The following SNX6 variants were observed in gnomAD, a reference collection of about 807,000 sequenced individuals.
SNX6 encodes sorting nexin-6.
In SNX6, 34 loss-of-function variants were observed where a neutral mutation model predicts 63.0. That is an observed-to-expected ratio of 0.54 (90% CI 0.41 to 0.72). The LOEUF (loss-of-function observed/expected upper bound fraction) is 0.72, where lower values mean the gene tolerates loss of function less well. Among genes scored for constraint, SNX6 ranks in the 30% least tolerant of loss-of-function variants. The pLI is 0.00. For synonymous variants in SNX6, 170 were observed against 164.2 expected (o/e 1.04, Z -0.27); for missense variants, 398 against 471.4 (o/e 0.84, Z 1.44).
intron 10 of SNX6, among the ~76,000 whole-genome samples, chr14:34,576,933 T>C (rs1236269841): frequency 6.6e-6 from 1 of 150,730 alleles, no homozygotes; most frequent in Non-Finnish European, 1.5e-5. Flanking sequence ...AATACAAAAA[T>C]TAGCCAGGCA....
chr14:34,575,485 C>T (rs1009826639), intron 11 of SNX6: 11 of 173,926 alleles, frequency 6.3e-5, no homozygotes, highest in Non-Finnish European at 1.3e-4. Flanking sequence ...CAGGCGTGAG[C>T]CACCACACCT....
At chr14:34,586,425 C>A in intron 8 of SNX6, 120 bp from the exon 9 acceptor site, 1 of 512,664 alleles carries the variant, frequency 2.0e-6, no homozygotes, top group Non-Finnish European at 3.4e-6. Context: ...ATAACGCAAG[C>A]AACAGGCATG....
chr14:34,585,228 A>G (rs1594712586), intron 9 of SNX6, among the ~76,000 whole-genome samples: 1 of 151,904 alleles, frequency 6.6e-6, no homozygotes, highest in Non-Finnish European at 1.5e-5. Flanking sequence ...TTGTATTAGA[A>G]GTATTGTTGG....
intron 6 of SNX6, among the ~76,000 whole-genome samples, chr14:34,601,146 G>C (rs1161618978): frequency 6.6e-6 from 1 of 151,982 alleles, no homozygotes; most frequent in Non-Finnish European, 1.5e-5. Context: ...CACCTCCTTG[G>C]AATTCTCCAC....
intron 2 of SNX6, among the ~76,000 whole-genome samples, chr14:34,618,069 GGATGGGGCAAA>G (rs1474676642): frequency 2.0e-5 from 3 of 152,134 alleles, no homozygotes; most frequent in Non-Finnish European, 4.4e-5. Context: ...TGAGTGGATG[GGATGGGGCAAA>G]GAGGAAGGAA....
At position 34,629,974 on chromosome 14, in the gene SNX6, G is replaced by C. The variant is rs1231905278; in HGVS notation, c.7-20C>G. The C allele has an allele frequency of 2.1e-5, 32 of 1,531,090 alleles. No individual in the cohort carries two copies. The highest frequency in any genetic ancestry group is 2.8e-5 in the Non-Finnish European group (32 of 1,140,952). 94.8% of individuals were successfully genotyped at this position (1,531,090 alleles called of 1,614,324 possible). On this transcript the variant is annotated intron_variant, in intron 1 of 13. Coordinates refer to ENST00000362031, the MANE Select transcript of SNX6 (RefSeq NM_152233.4). Reference sequence around the variant, plus strand: ...GCCTTCCTGTGGGGTCGGCGGGCACGGCGCGCCGGGGAAAAGGATGAGATG... The same window carrying C: ...GCCTTCCTGTGGGGTCGGCGGGCACCGCGCGCCGGGGAAAAGGATGAGATG...
intron 8 of SNX6, among the ~76,000 whole-genome samples, chr14:34,588,546 C>A (rs1037703601): frequency 2.6e-5 from 4 of 152,136 alleles, no homozygotes; most frequent in African/African-American, 9.7e-5. Flanking sequence ...TCACTGTCTC[C>A]AGCCTAATAA....
intron 4 of SNX6, among the ~76,000 whole-genome samples, chr14:34,606,196 CTTTTTT>C (rs34435703): frequency 1.7e-5 from 1 of 57,610 alleles, no homozygotes. Flanking sequence ...GTTATCTAAT[CTTTTTT>C]TTTTTTTTTT....
chr14:34,577,018 C>T (rs1052539366), intron 10 of SNX6, among the ~76,000 whole-genome samples: 3 of 151,912 alleles, frequency 2.0e-5, no homozygotes, highest in Non-Finnish European at 2.9e-5. Context: ...CCACTACATT[C>T]CAGCCTGGGT....
rs1037764907 is a variant in SNX6, at chr14:34,621,951, CTTTTTTTTTTTTTTT to C, written c.54+7941_54+7955del. Among the ~76,000 whole-genome samples the C allele has an allele frequency of 1.3e-4, 10 of 77,408 alleles. No individual in the cohort carries two copies. The Admixed American group carries it at 1.7e-3, about 13-fold the overall frequency. 50.8% of individuals were successfully genotyped at this position (77,408 alleles called of 152,430 possible). On this transcript the variant is annotated intron_variant, in intron 2 of 13. Transcript: ENST00000362031. The stretch of plus-strand genomic sequence containing the variant: ...GTTTTTTCACCTGGGCATGTCTTTC[CTTTTTTTTTTTTTTT>C]TTTTTTTTTGAGATGGAGTTTCACT...
chr14:34,573,554 A>G (rs1441653445), intron 11 of SNX6, among the ~76,000 whole-genome samples: 3 of 151,956 alleles, frequency 2.0e-5, no homozygotes, highest in South Asian at 4.1e-4. Context: ...CAGCCTGGGC[A>G]ACAGGGCGAG....
intron 11 of SNX6, among the ~76,000 whole-genome samples, 190 bp from the exon 12 acceptor site, chr14:34,568,203 G>C (rs1443962791): frequency 6.8e-6 from 1 of 147,690 alleles, no homozygotes; most frequent in African/African-American, 2.5e-5. Flanking sequence ...GGAATGCAAT[G>C]GCGTGATCTT....
At chr14:34,594,749 C>T (rs1348003188) in intron 7 of SNX6, among the ~76,000 whole-genome samples, 4 of 152,176 alleles carry the variant, frequency 2.6e-5, no homozygotes, top group East Asian at 1.9e-4. Context: ...TAATTGGAGA[C>T]CCATATCAAC....
intron 10 of SNX6, among the ~76,000 whole-genome samples, chr14:34,578,955 AAAAAAAAAAAAG>A (rs1217476560): frequency 6.8e-6 from 1 of 148,078 alleles, no homozygotes; most frequent in African/African-American, 2.4e-5. Context: ...AAAAAAAAAA[AAAAAAAAAAAAG>A]GTTAAACTAA....
At chr14:34,588,668 G>A (rs77006832) in intron 8 of SNX6, among the ~76,000 whole-genome samples, 11,258 of 152,078 alleles carry the variant, frequency 0.074, 883 homozygotes, top group African/African-American at 0.2. Context: ...ATAAATTAAC[G>A]AAGACCTGAG....
Position 34,562,948 on chromosome 14 carries a change from C to T in SNX6, c.*174G>A, listed in dbSNP as rs574195593. ...ACAGTGCGGCATCACGGCACACAGA[C>T]TGGCATCGCCTGGGCGTGCGCTGCT... On this transcript the variant is annotated 3_prime_UTR_variant, in exon 14 of 14. Transcript: ENST00000362031. 6.3e-6 allele frequency: 4 copies of T among 634,336 alleles called. No individual in the cohort carries two copies. Among genetic ancestry groups the T allele is most frequent in the Non-Finnish European group, 1.1e-5 (4 of 356,804 alleles). 39.3% of individuals were successfully genotyped at this position (634,336 alleles called of 1,614,324 possible). A position where few individuals can be genotyped will look rare whatever the true frequency, so the allele number is the denominator to read the frequency against.
At chr14:34,605,434 T>C (rs1474529912) in intron 5 of SNX6, 162 bp downstream of exon 5, 4 of 507,842 alleles carry the variant, frequency 7.9e-6, no homozygotes, top group Non-Finnish European at 1.4e-5. Flanking sequence ...TAGGCTCTGA[T>C]CATGATCATT....
At chr14:34,594,571 A>G (rs1269338586) in intron 7 of SNX6, among the ~76,000 whole-genome samples, 4 of 152,024 alleles carry the variant, frequency 2.6e-5, no homozygotes, top group Admixed American at 2.6e-4. Flanking sequence ...CATGTTGCCC[A>G]GGCTGGTCTT....
intron 2 of SNX6, among the ~76,000 whole-genome samples, chr14:34,623,642 C>T (rs778217070): frequency 5.6e-4 from 85 of 152,098 alleles, no homozygotes; most frequent in Non-Finnish European, 1.1e-3. Context: ...GGATAAACAA[C>T]ATTTCCAAGG....
Sources: allele counts gnomAD v4.1 joint callset (sites outside exome capture counted in the v4.1 genomes callset), GRCh38; gene constraint gnomAD v4.1.1; transcripts MANE v1.5; gene names NCBI Gene and HGNC (gene_info 2026-07-23, HGNC 2026-07-21).